Variants in ZNF516 observed in about 807,000 individuals in gnomAD.
The protein encoded by ZNF516 is zinc finger protein 516.
In ZNF516, 19 loss-of-function variants were observed where a neutral mutation model predicts 79.7. The observed-to-expected ratio is 0.24, with a 90% CI of 0.17 to 0.35. The LOEUF is 0.35. Ranked by LOEUF, ZNF516 falls within the 10% of genes least tolerant of loss-of-function variation. The pLI, the probability that ZNF516 is intolerant of heterozygous loss-of-function variation, is 1.00. For missense variants in ZNF516, 1,678 were observed against 1,679.5 expected (o/e 1.00, Z 0.02); for synonymous variants, 877 against 739.5 (o/e 1.19, Z -3.02).
intron 2 of ZNF516, among the ~76,000 whole-genome samples, chr18:76,458,647 G>A (rs891837856): frequency 2.0e-5 from 3 of 150,656 alleles, no homozygotes; most frequent in South Asian, 2.1e-4. Context: ...ATGCCTCACC[G>A]TCGTGCGTGT....
At chr18:76,433,784 G>T (rs537576794) in intron 3 of ZNF516, among the ~76,000 whole-genome samples, 1 of 152,256 alleles carries the variant, frequency 6.6e-6, no homozygotes, top group South Asian at 2.1e-4. Flanking sequence ...AGCACATCAC[G>T]GATACAGGAG....
At chr18:76,381,027 AG>A (rs2074884093) in intron 3 of ZNF516, among the ~76,000 whole-genome samples, 1 of 152,134 alleles carries the variant, frequency 6.6e-6, no homozygotes, top group African/African-American at 2.4e-5. Context: ...CCGCCCCTCA[AG>A]CTCTGCGCCC....
Position 76,370,656 on chromosome 18 carries a change from A to G in ZNF516, c.3365-61T>C, listed in dbSNP as rs539789307. On this transcript the variant is annotated intron_variant, in intron 5 of 6. Transcript: ENST00000443185. ...GTGAGCTTCCGGACGTGCACATTAAATGAGTCCATTACAGATTAAGTACTT... is the reference window on the plus strand; with the variant it reads ...GTGAGCTTCCGGACGTGCACATTAAGTGAGTCCATTACAGATTAAGTACTT... 1.0e-4 allele frequency: 142 copies of G among 1,426,488 alleles called. 2 individuals carry two copies. The South Asian group carries it at 1.8e-3, about 18-fold the overall frequency. 88.4% of individuals were successfully genotyped at this position (1,426,488 alleles called of 1,614,324 possible). A position where few individuals can be genotyped will look rare whatever the true frequency, so the allele number is the denominator to read the frequency against.
chr18:76,496,415 T>C, upstream of ZNF516: 1 of 1,289,640 alleles, frequency 7.8e-7, no homozygotes, highest in Non-Finnish European at 1.0e-6. Flanking sequence ...GGCGTCTCTC[T>C]CTGCGCCTCA....
chr18:76,473,898 T>TTGTGTG (rs538095992), intron 1 of ZNF516, among the ~76,000 whole-genome samples: 2,963 of 27,854 alleles, frequency 0.11, 227 homozygotes, highest in African/African-American at 0.13. Context: ...TTGGTTGTTT[T>TTGTGTG]TGTGTGGGGG....
chr18:76,485,686 A>G (rs748865432), intron 1 of ZNF516, among the ~76,000 whole-genome samples: 12 of 152,172 alleles, frequency 7.9e-5, no homozygotes, highest in African/African-American at 1.4e-4. Flanking sequence ...GCAACATGGC[A>G]TAAGAGCCAC....
At chr18:76,481,863 T>C (rs1423678026) in intron 1 of ZNF516, among the ~76,000 whole-genome samples, 1 of 152,220 alleles carries the variant, frequency 6.6e-6, no homozygotes, top group Admixed American at 6.5e-5. Context: ...AACAGTAATG[T>C]TGATAACTTA....
chr18:76,382,554 GA>G (rs2074910228), intron 3 of ZNF516, among the ~76,000 whole-genome samples: 2 of 152,200 alleles, frequency 1.3e-5, no homozygotes, highest in Admixed American at 1.3e-4. Context: ...TCCCCAAAAG[GA>G]TCATAAAACA....
Position 76,441,921 on chromosome 18 carries a change from G to A in ZNF516, c.1134C>T (p.Asp378=). 6.2e-7 allele frequency: 1 copy of A among 1,605,652 alleles called. No individual in the cohort carries two copies. ...GGCACTGGAGGAAGAACTGCTTGGT[G>A]TCCGAGGGCCCCTCCGCCCCCTCCT... The part of the protein sequence containing the change: ...PAEEGAEGPS[D]TKQFFLQCLN... Residue 378 remains aspartate (D), a synonymous_variant, in exon 3 of 7, where the codon GAC becomes GAT. Coordinates refer to ENST00000443185, the MANE Select transcript of ZNF516 (RefSeq NM_014643.4).
rs1213245272 is a variant in ZNF516, at chr18:76,359,742, G to GA, written c.*2755dup. On this transcript the variant is annotated 3_prime_UTR_variant, in exon 7 of 7. Coordinates refer to ENST00000443185, the MANE Select transcript of ZNF516 (RefSeq NM_014643.4). ...GTAAAAAATCCTGTTAAGAAACAAG[G>GA]AAACAGCAGATCGGGAGAGGTAGTA... 6.6e-6 allele frequency: 1 copy of GA among 151,914 alleles called. No individual in the cohort carries two copies. The highest frequency in any genetic ancestry group is 1.9e-4 in the East Asian group (1 of 5,178). The allele number at this position is 151,914 out of a possible 1,614,324, so 9.4% of individuals were successfully genotyped here.
In ZNF516 at chr18:76,442,191, G is replaced by A. The variant is rs753635896; in HGVS notation, c.864C>T (p.Pro288=). Residue 288 remains proline, a synonymous_variant, in exon 3 of 7, where the codon CCC becomes CCT. Coordinates refer to ENST00000443185, the MANE Select transcript of ZNF516 (RefSeq NM_014643.4). ...CHICGRRFKE[P]WFLKNHMKAH... ...CCTTCATGTGGTTCTTGAGGAACCAGGGCTCCTTGAACCTACGGCCGCAGA... is the reference window on the plus strand; with the variant it reads ...CCTTCATGTGGTTCTTGAGGAACCAAGGCTCCTTGAACCTACGGCCGCAGA... 1 of 1,613,926 alleles carries A rather than the reference G, an allele frequency of 6.2e-7. No homozygotes were observed. The highest frequency in any genetic ancestry group is 8.5e-7 in the Non-Finnish European group (1 of 1,179,890).
chr18:76,465,616 A>C (rs1426738480), intron 1 of ZNF516, among the ~76,000 whole-genome samples: 1 of 152,206 alleles, frequency 6.6e-6, no homozygotes, highest in African/African-American at 2.4e-5. Context: ...TGTTTACAAG[A>C]CCAACCCCTG....
Position 76,443,048 on chromosome 18 carries a change from G to C in ZNF516, c.7C>G (p.Arg3Gly). The change falls in exon 3 of 7, where the codon CGC becomes GGC. Residue 3 changes from arginine (R) to glycine (G), a missense_variant. Arg to Gly is a moderately radical substitution (Grantham distance 125). Around this residue, in one of 5 missense-constraint regions of ZNF516, gnomAD observed 62 missense variants for 58.9 expected, o/e 1.05. Transcript: ENST00000443185. Reference protein sequence around the residue: MDRNREAEMELRR... With the variant: MDGNREAEMELRR... The stretch of plus-strand genomic sequence containing the variant: ...AGCTCCATCTCGGCCTCTCTGTTGC[G>C]ATCCATCCGAAGGACGGGCGCGGCC... The C allele has an allele frequency of 1.9e-6, 3 of 1,587,714 alleles. No homozygotes were observed. The highest frequency in any genetic ancestry group is 2.3e-5 in the East Asian group (1 of 44,272).
intron 3 of ZNF516, among the ~76,000 whole-genome samples, chr18:76,402,612 G>C (rs35943460): frequency 0.052 from 7,963 of 152,298 alleles, 366 homozygotes; most frequent in African/African-American, 0.13. Flanking sequence ...CTCACGGACA[G>C]TCGTGATTGC....
intron 3 of ZNF516, among the ~76,000 whole-genome samples, chr18:76,392,055 G>A (rs940398410): frequency 2.6e-5 from 4 of 152,232 alleles, no homozygotes; most frequent in Non-Finnish European, 5.9e-5. Context: ...AGCTGAAGAA[G>A]AGCCTCATTT....
intron 2 of ZNF516, among the ~76,000 whole-genome samples, chr18:76,453,463 T>C (rs747559543): frequency 6.6e-6 from 1 of 152,218 alleles, no homozygotes; most frequent in Non-Finnish European, 1.5e-5. Flanking sequence ...TTTGACTCCG[T>C]CTACATCTTA....
At chr18:76,423,319 A>G (rs1201300777) in intron 3 of ZNF516, among the ~76,000 whole-genome samples, 3 of 152,260 alleles carry the variant, frequency 2.0e-5, no homozygotes, top group African/African-American at 7.2e-5. Flanking sequence ...TGTTCTCGTT[A>G]ATAAGTCCGC....
At chr18:76,461,016 A>G (rs1386972613) in intron 2 of ZNF516, among the ~76,000 whole-genome samples, 2 of 152,042 alleles carry the variant, frequency 1.3e-5, no homozygotes, top group Admixed American at 1.3e-4. Flanking sequence ...CATCTCTACT[A>G]AAACTACAAA....
intron 6 of ZNF516, 99 bp from the exon 7 acceptor site, chr18:76,362,656 CACAA>C (rs752917210): frequency 3.2e-6 from 4 of 1,237,854 alleles, no homozygotes; most frequent in Non-Finnish European, 4.6e-6. Context: ...CATCCAAGAA[CACAA>C]ACAATGACCT....
Sources: allele counts gnomAD v4.1 joint callset (sites outside exome capture counted in the v4.1 genomes callset), GRCh38; gene constraint gnomAD v4.1.1; regional missense constraint gnomAD v4.1.1; transcripts MANE v1.5; gene names NCBI Gene and HGNC (gene_info 2026-07-23, HGNC 2026-07-21).